The following CACNB2 variants were observed in gnomAD, a reference collection of about 807,000 sequenced individuals.
The protein encoded by CACNB2 is calcium voltage-gated channel auxiliary subunit beta 2.
Under a neutral mutation model 73.3 loss-of-function variants are expected in CACNB2, and 42 were observed. The ratio of observed to expected loss-of-function variants is 0.57; its 90% confidence interval spans 0.45 to 0.74. The LOEUF (loss-of-function observed/expected upper bound fraction) is 0.74. CACNB2 is among the 30% of genes least tolerant of loss of function. The pLI is 0.00. For missense variants in CACNB2, 940 were observed against 853.0 expected, an observed-to-expected ratio of 1.10 and a Z score of -1.27; for synonymous variants, 348 against 310.3, an observed-to-expected ratio of 1.12 and a Z score of -1.28.
At chr10:18,354,942 C>T (rs2041851107) in intron 2 of CACNB2, among the ~76,000 whole-genome samples, 2 of 152,124 alleles carry the variant, frequency 1.3e-5, no homozygotes, top group African/African-American at 2.4e-5. Context: ...CTTACGTAGG[C>T]TAGAGACACC....
At chr10:18,329,944 G>A (rs535208970) in intron 2 of CACNB2, among the ~76,000 whole-genome samples, 6 of 152,086 alleles carry the variant, frequency 3.9e-5, no homozygotes, top group African/African-American at 1.4e-4. Flanking sequence ...GGTTTCAAGC[G>A]ATTCTTCTGC....
chr10:18,442,956 A>ACG (rs1554820296), intron 3 of CACNB2, among the ~76,000 whole-genome samples: 3 of 19,314 alleles, frequency 1.6e-4, no homozygotes, highest in Non-Finnish European at 2.3e-4. Flanking sequence ...ATATATATAT[A>ACG]TGTATATATA....
rs1265684875 is a variant in CACNB2 at position 18,534,215 on chromosome 10, T to G, written c.1194T>G (p.Ile398Met). Reference sequence around the variant, plus strand: ...CCCCTATTATAGTATATGTAAAGATTTCTTCTCCTAAGGTAAGTAGGACTG... The same window carrying G: ...CCCCTATTATAGTATATGTAAAGATGTCTTCTCCTAAGGTAAGTAGGACTG... ...SLAPIIVYVK[I>M]SSPKVLQRLI... The change falls in exon 11 of 14, where the codon ATT becomes ATG. Residue 398 changes from isoleucine to methionine, a missense_variant. Physicochemically the swap from Ile to Met is conservative, Grantham distance 10 (BLOSUM62 1). Transcript: ENST00000324631. 2 of 1,613,240 alleles carry G rather than the reference T, an allele frequency of 1.2e-6. No individual in the cohort carries two copies. Among genetic ancestry groups the G allele is most frequent in the East Asian group, 2.2e-5 (1 of 44,876 alleles).
chr10:18,177,187 A>C (rs1409197003), intron 2 of CACNB2, among the ~76,000 whole-genome samples: 1 of 152,174 alleles, frequency 6.6e-6, no homozygotes, highest in Non-Finnish European at 1.5e-5. Context: ...TAAACCAAAA[A>C]GTGACTGAAG....
At chr10:18,417,747 T>C (rs1242718255) in intron 3 of CACNB2, among the ~76,000 whole-genome samples, 1 of 152,208 alleles carries the variant, frequency 6.6e-6, no homozygotes, top group African/African-American at 2.4e-5. Flanking sequence ...TACTTAATAC[T>C]ATTTGAATAT....
intron 2 of CACNB2, among the ~76,000 whole-genome samples, chr10:18,175,790 G>T (rs1237594186): frequency 1.3e-5 from 2 of 152,146 alleles, no homozygotes; most frequent in Admixed American, 6.6e-5. Context: ...TAGAGATGGG[G>T]TTTCACCACA....
chr10:18,221,089 G>C (rs1260842059), intron 2 of CACNB2, among the ~76,000 whole-genome samples: 1 of 152,222 alleles, frequency 6.6e-6, no homozygotes. Context: ...GCTCAGAGAA[G>C]AGGGAGGAGA....
intron 2 of CACNB2, among the ~76,000 whole-genome samples, chr10:18,311,911 G>A (rs2131891409): frequency 6.6e-6 from 1 of 152,286 alleles, no homozygotes; most frequent in Non-Finnish European, 1.5e-5. Flanking sequence ...CTTGGGGATG[G>A]AGCACTTCAT....
intron 3 of CACNB2, among the ~76,000 whole-genome samples, chr10:18,412,783 A>G (rs892278627): frequency 3.9e-5 from 6 of 152,062 alleles, no homozygotes; most frequent in Non-Finnish European, 8.8e-5. Flanking sequence ...TGGCCTCCTG[A>G]TGTTTGTTGC....
intron 2 of CACNB2, among the ~76,000 whole-genome samples, chr10:18,238,673 A>C (rs377318995): frequency 5.3e-5 from 8 of 152,212 alleles, no homozygotes; most frequent in Non-Finnish European, 1.0e-4. Context: ...TAGTGATTCA[A>C]AATTTCTTCG....
At chr10:18,495,796 C>T (rs1269748204) in intron 3 of CACNB2, among the ~76,000 whole-genome samples, 1 of 151,732 alleles carries the variant, frequency 6.6e-6, no homozygotes, top group African/African-American at 2.4e-5. Flanking sequence ...GATTGTAGCT[C>T]TGGAAGTAAA....
intron 3 of CACNB2, among the ~76,000 whole-genome samples, chr10:18,486,690 A>G (rs1322989123): frequency 1.3e-5 from 2 of 152,166 alleles, no homozygotes; most frequent in Admixed American, 1.3e-4. Flanking sequence ...AAAAGAGCAT[A>G]CGGCAGTGAG....
At chr10:18,253,466 G>A (rs779039460) in intron 2 of CACNB2, among the ~76,000 whole-genome samples, 31 of 152,050 alleles carry the variant, frequency 2.0e-4, no homozygotes, top group Non-Finnish European at 3.2e-4. Flanking sequence ...AAACAAAGAG[G>A]AAATCAAAAT....
Position 18,540,329 on chromosome 10 carries a change from AT to A in CACNB2, c.*606del, listed in dbSNP as rs2054001403. 1 of 149,966 alleles carries A rather than the reference AT, an allele frequency of 6.7e-6. No individual in the cohort carries two copies. Among genetic ancestry groups the A allele is most frequent in the Non-Finnish European group, 1.5e-5 (1 of 67,818 alleles). The allele number at this position is 149,966 out of a possible 1,614,324, so 9.3% of individuals were successfully genotyped here. On this transcript the variant is annotated 3_prime_UTR_variant, in exon 14 of 14. Transcript: ENST00000324631. ...GCAAACAAACACCTTCTTATTATAT[AT>A]ATAATATATATATATATCAGTTTGA...
At chr10:18,314,496 TTCAAGTC>T (rs2040082259) in intron 2 of CACNB2, among the ~76,000 whole-genome samples, 1 of 152,068 alleles carries the variant, frequency 6.6e-6, no homozygotes, top group African/African-American at 2.4e-5. Flanking sequence ...TTCCTCCTTC[TTCAAGTC>T]TGAAAAATTA....
chr10:18,190,258 C>A (rs1184698499), intron 2 of CACNB2, among the ~76,000 whole-genome samples: 3 of 152,182 alleles, frequency 2.0e-5, no homozygotes, highest in Non-Finnish European at 4.4e-5. Context: ...AATACAGATA[C>A]AATAACGTAG....
intron 2 of CACNB2, among the ~76,000 whole-genome samples, chr10:18,301,908 G>A (rs1423332530): frequency 6.6e-6 from 1 of 151,898 alleles, no homozygotes; most frequent in Non-Finnish European, 1.5e-5. Flanking sequence ...TGGCCCCCCA[G>A]GGTGCTGGGA....
chr10:18,490,849 G>C (rs938807972), intron 3 of CACNB2, among the ~76,000 whole-genome samples: 1 of 147,040 alleles, frequency 6.8e-6, no homozygotes, highest in African/African-American at 2.6e-5. Context: ...CGGGCCGGTG[G>C]GGGAGGGGGG....
At chr10:18,336,196 A>G (rs578207958) in intron 2 of CACNB2, among the ~76,000 whole-genome samples, 1 of 152,374 alleles carries the variant, frequency 6.6e-6, no homozygotes, top group South Asian at 2.1e-4. Flanking sequence ...AGGAGCCAGC[A>G]TGGTTAAGCC....
Sources: gnomAD v4.1 joint callset for allele counts (sites outside exome capture counted in the v4.1 genomes callset) on GRCh38, gnomAD v4.1.1 for gene constraint, MANE v1.5 for transcripts, NCBI Gene and HGNC (gene_info 2026-07-23, HGNC 2026-07-21) for gene names.